Variants in FHIT observed in about 807,000 individuals in gnomAD.
FHIT encodes fragile histidine triad diadenosine triphosphatase.
In FHIT, 19 loss-of-function variants were observed where a neutral mutation model predicts 17.9. The ratio of observed to expected loss-of-function variants is 1.06; its 90% confidence interval spans 0.74 to 1.56. The LOEUF is 1.56. Ranked by LOEUF, FHIT falls within the 40% of genes most tolerant of loss-of-function variation. FHIT has a pLI of 0.00. For synonymous variants in FHIT, 81 were observed against 69.7 expected (o/e 1.16, Z -0.81); for missense variants, 248 against 189.2 (o/e 1.31, Z -1.82).
At chr3:60,112,092 A>C (rs1396979241) in intron 5 of FHIT, among the ~76,000 whole-genome samples, 1 of 152,228 alleles carries the variant, frequency 6.6e-6, no homozygotes, top group East Asian at 1.9e-4. Flanking sequence ...CTCTTTGCTC[A>C]TGAAAGCATC....
rs1461409810 is a variant in FHIT at position 60,928,693 on chromosome 3, A to G, written c.-110-106682T>C. On this transcript the variant is annotated intron_variant, in intron 3 of 9. Coordinates refer to ENST00000492590, the MANE Select transcript of FHIT (RefSeq NM_002012.4). ...AGAAGTTGAATCTCTGAATAGACCA[A>G]TAACAGGCTCTGAAATTGAGGCAAC... 7.5e-4 allele frequency among the ~76,000 whole-genome samples: 114 copies of G among 152,284 alleles called. 1 individual carries two copies. The highest frequency in any genetic ancestry group is 2.7e-3 in the African/African-American group (112 of 41,580).
chr3:60,313,160 T>C (rs1709021054), intron 5 of FHIT, among the ~76,000 whole-genome samples: 1 of 152,244 alleles, frequency 6.6e-6, no homozygotes, highest in Non-Finnish European at 1.5e-5. Context: ...ATGTATGTTA[T>C]CCACACACCT....
At chr3:60,979,418 C>T (rs1475404714) in intron 3 of FHIT, among the ~76,000 whole-genome samples, 1 of 152,114 alleles carries the variant, frequency 6.6e-6, no homozygotes, top group East Asian at 1.9e-4. Flanking sequence ...GCGCTCAAAA[C>T]TCAGGGTTTA....
chr3:60,988,679 G>A (rs1471579600), intron 3 of FHIT, among the ~76,000 whole-genome samples: 1 of 152,232 alleles, frequency 6.6e-6, no homozygotes, highest in East Asian at 1.9e-4. Flanking sequence ...CTGGGAACCT[G>A]GAGGCCTGTT....
intron 3 of FHIT, among the ~76,000 whole-genome samples, chr3:60,987,730 A>T (rs147423675): frequency 6.6e-6 from 1 of 152,198 alleles, no homozygotes; most frequent in African/African-American, 2.4e-5. Flanking sequence ...TTATAGAGCC[A>T]AATCAGTAAG....
intron 4 of FHIT, among the ~76,000 whole-genome samples, chr3:60,769,495 G>A (rs1451130357): frequency 5.3e-5 from 8 of 152,100 alleles, no homozygotes; most frequent in African/African-American, 1.9e-4. Context: ...AACTTCAGCC[G>A]AGTTAAATTT....
chr3:60,700,130 C>CAA lies in FHIT; in HGVS notation c.-18+121787_-18+121788dup, dbSNP rs55852235. On this transcript the variant is annotated intron_variant, in intron 4 of 9. Transcript: ENST00000492590. ...TGGGCAGCAGAGCGAGAGTCTGTCTCAAAAAAAAAAAAAAAATACACAGGT... is the reference window on the plus strand; with the variant it reads ...TGGGCAGCAGAGCGAGAGTCTGTCTCAAAAAAAAAAAAAAAAAATACACAGGT... 7.3e-3 allele frequency among the ~76,000 whole-genome samples: 982 copies of CAA among 134,376 alleles called. 25 individuals carry two copies. Among genetic ancestry groups the CAA allele is most frequent in the East Asian group, 0.068 (316 of 4,618 alleles). The allele number at this position is 134,376 out of a possible 152,430, so 88.2% of individuals were successfully genotyped here.
intron 4 of FHIT, among the ~76,000 whole-genome samples, chr3:60,731,429 C>G (rs964228641): frequency 2.6e-5 from 4 of 152,240 alleles, no homozygotes; most frequent in East Asian, 3.9e-4. Flanking sequence ...CTTGAGAGAT[C>G]GAGTGCATGG....
At chr3:60,230,318 C>A (rs1425702701) in intron 5 of FHIT, among the ~76,000 whole-genome samples, 1 of 152,068 alleles carries the variant, frequency 6.6e-6, no homozygotes, top group African/African-American at 2.4e-5. Context: ...GAAAATGCAA[C>A]ATTTTATTTC....
chr3:60,527,042 T>C (rs936261962), intron 5 of FHIT, among the ~76,000 whole-genome samples: 1 of 152,182 alleles, frequency 6.6e-6, no homozygotes, highest in Non-Finnish European at 1.5e-5. Context: ...CTCAGTAATG[T>C]GGATGTGGGG....
intron 3 of FHIT, among the ~76,000 whole-genome samples, chr3:60,853,443 C>G (rs1559772100): frequency 6.6e-6 from 1 of 152,032 alleles, no homozygotes; most frequent in Non-Finnish European, 1.5e-5. Context: ...TTCAATTTCC[C>G]TGCTCCTCTT....
chr3:60,384,893 G>A (rs1700950575), intron 5 of FHIT, among the ~76,000 whole-genome samples: 1 of 150,934 alleles, frequency 6.6e-6, no homozygotes, highest in African/African-American at 2.4e-5. Flanking sequence ...ATTGTGAGAA[G>A]TCTAAATTTA....
At chr3:60,859,496 T>C (rs1703528989) in intron 3 of FHIT, among the ~76,000 whole-genome samples, 2 of 152,118 alleles carry the variant, frequency 1.3e-5, no homozygotes, top group Non-Finnish European at 2.9e-5. Context: ...TCCAAATGAC[T>C]GAGTTCCGAT....
At chr3:60,281,553 G>C (rs1707454311) in intron 5 of FHIT, among the ~76,000 whole-genome samples, 1 of 149,952 alleles carries the variant, frequency 6.7e-6, no homozygotes, top group Admixed American at 6.7e-5. Flanking sequence ...ACTTGCCCTG[G>C]ACAGAGGAGC....
intron 8 of FHIT, among the ~76,000 whole-genome samples, chr3:59,876,457 C>CT (rs1447880120): frequency 0.016 from 6 of 374 alleles, no homozygotes; most frequent in African/African-American, 0.02. Context: ...GGGAGCAGCA[C>CT]CCCTCCCCAG....
At chr3:60,837,946 A>G (rs1022445317) in intron 3 of FHIT, among the ~76,000 whole-genome samples, 1 of 152,168 alleles carries the variant, frequency 6.6e-6, no homozygotes, top group African/African-American at 2.4e-5. Flanking sequence ...CTTCCTTTAC[A>G]TGCATTTACA....
chr3:60,014,025 A>G lies in FHIT; in HGVS notation c.231T>C (p.Ser77=), dbSNP rs1235489285. ...CACTCACCTGCATGGAAAAGGTGAG[A>G]GAGGTCCCATGGAAATGTTTTTCCA... The part of the protein sequence containing the change: ...TVVEKHFHGT[S]LTFSMQDGPE... Residue 77 remains serine, a synonymous_variant, in exon 6 of 10, where the codon TCT becomes TCC. Transcript: ENST00000492590. 6.2e-7 allele frequency: 1 copy of G among 1,613,918 alleles called. No individual in the cohort carries two copies. Among genetic ancestry groups the G allele is most frequent in the Non-Finnish European group, 8.5e-7 (1 of 1,179,924 alleles).
chr3:60,446,893 T>C (rs1576669345), intron 5 of FHIT, among the ~76,000 whole-genome samples: 1 of 138,460 alleles, frequency 7.2e-6, no homozygotes, highest in South Asian at 2.5e-4. Context: ...ATAATAATAA[T>C]AATAATAAAA....
At chr3:60,508,467 A>C (rs923392902) in intron 5 of FHIT, among the ~76,000 whole-genome samples, 1 of 152,192 alleles carries the variant, frequency 6.6e-6, no homozygotes, top group African/African-American at 2.4e-5. Context: ...TTACTGAATA[A>C]TGGTGTGAGC....
Sources: allele counts gnomAD v4.1 joint callset (sites outside exome capture counted in the v4.1 genomes callset), GRCh38; gene constraint gnomAD v4.1.1; transcripts MANE v1.5; gene names NCBI Gene and HGNC (gene_info 2026-07-23, HGNC 2026-07-21).